GLIS3: variants seen among roughly 807,000 people sequenced by gnomAD.
GLIS3 encodes the protein GLIS family zinc finger 3.
A neutral mutation model predicts 78.6 loss-of-function variants in GLIS3; 53 were observed. The observed-to-expected ratio is 0.67, with a 90% CI of 0.54 to 0.85. The LOEUF (loss-of-function observed/expected upper bound fraction) is 0.85. Ranked by LOEUF, GLIS3 falls within the 40% of genes least tolerant of loss-of-function variation. The probability of loss-of-function intolerance (pLI) is 0.00; values close to 1 mark genes in which losing one functional copy is unlikely to be tolerated. For missense variants in GLIS3, 1,703 were observed against 1,231.1 expected (o/e 1.38, Z -5.74); for synonymous variants, 684 against 509.9 (o/e 1.34, Z -4.60).
intron 8 of GLIS3, among the ~76,000 whole-genome samples, chr9:3,865,539 T>C (rs976020961): frequency 2.0e-5 from 3 of 152,214 alleles, no homozygotes; most frequent in African/African-American, 7.2e-5. Flanking sequence ...GACAAGAACA[T>C]ACTAACAAGT....
chr9:4,249,731 T>C (rs1824170911), intron 2 of GLIS3, among the ~76,000 whole-genome samples: 1 of 152,244 alleles, frequency 6.6e-6, no homozygotes, highest in Non-Finnish European at 1.5e-5. Context: ...CTTTTGCCCA[T>C]TCAGTATGAT....
chr9:4,418,603 G>T, the GLIS3 span, among the ~76,000 whole-genome samples: 2 of 152,136 alleles, frequency 1.3e-5, no homozygotes, highest in African/African-American at 4.8e-5. Flanking sequence ...GGAGGCTGAG[G>T]CAGGAGAATC....
intron 2 of GLIS3, among the ~76,000 whole-genome samples, chr9:4,282,289 G>C (rs1386936062): frequency 6.6e-6 from 1 of 152,118 alleles, no homozygotes; most frequent in African/African-American, 2.4e-5. Context: ...GGGCCACTTG[G>C]TGCCCCAATA....
At chr9:4,233,595 G>C (rs1822462009) in intron 2 of GLIS3, among the ~76,000 whole-genome samples, 2 of 152,168 alleles carry the variant, frequency 1.3e-5, no homozygotes, top group Admixed American at 6.5e-5. Flanking sequence ...TCCATTTATA[G>C]ATCACAGGCA....
At chr9:4,289,253 G>A (rs1018534375) in intron 1 of GLIS3, among the ~76,000 whole-genome samples, 1 of 152,044 alleles carries the variant, frequency 6.6e-6, no homozygotes, top group African/African-American at 2.4e-5. Flanking sequence ...TTGAAATTCT[G>A]TAACTCCAGG....
At chr9:4,070,612 G>A (rs1406457042) in intron 4 of GLIS3, among the ~76,000 whole-genome samples, 1 of 152,122 alleles carries the variant, frequency 6.6e-6, no homozygotes, top group Non-Finnish European at 1.5e-5. Flanking sequence ...GAGTATGTAT[G>A]TGTGTGTATA....
intron 3 of GLIS3, among the ~76,000 whole-genome samples, chr9:4,124,739 G>A (rs530040187): frequency 6.6e-6 from 1 of 152,150 alleles, no homozygotes; most frequent in Admixed American, 6.6e-5. Context: ...TTAGGAGGAA[G>A]GAAAGGAAGA....
intron 4 of GLIS3, chr9:4,035,808 C>T (rs901809793): frequency 6.6e-6 from 1 of 152,374 alleles, no homozygotes; most frequent in Non-Finnish European, 1.5e-5. Flanking sequence ...GTATCCCTGC[C>T]CCACTCAAAT....
intron 4 of GLIS3, among the ~76,000 whole-genome samples, chr9:4,020,547 G>T (rs971830898): frequency 6.6e-6 from 1 of 152,136 alleles, no homozygotes; most frequent in Admixed American, 6.5e-5. Flanking sequence ...CAACCAGTTA[G>T]GTTGGCTTTA....
chr9:3,866,834 T>C (rs955186012), intron 8 of GLIS3, among the ~76,000 whole-genome samples: 5 of 152,148 alleles, frequency 3.3e-5, no homozygotes, highest in African/African-American at 1.2e-4. Flanking sequence ...AGGGTAGCTC[T>C]TGTGGTGTAG....
intron 2 of GLIS3, among the ~76,000 whole-genome samples, chr9:4,316,510 C>T (rs1056208572): frequency 6.6e-6 from 1 of 152,162 alleles, no homozygotes; most frequent in Non-Finnish European, 1.5e-5. Context: ...AGTTCCTGGC[C>T]AGATTCACTG....
intron 7 of GLIS3, among the ~76,000 whole-genome samples, chr9:3,891,094 AGTAGGAGG>A (rs1822407268): frequency 6.7e-6 from 1 of 150,078 alleles, no homozygotes; most frequent in African/African-American, 2.4e-5. Context: ...AGAAGAAGAA[AGTAGGAGG>A]AAGAGGAGGA....
At chr9:4,183,743 T>C (rs961693871) in intron 2 of GLIS3, among the ~76,000 whole-genome samples, 8 of 152,242 alleles carry the variant, frequency 5.3e-5, no homozygotes, top group Non-Finnish European at 1.0e-4. Flanking sequence ...TAGCTTTACA[T>C]GACAACTGAT....
chr9:4,022,736 G>A (rs996013351), intron 4 of GLIS3, among the ~76,000 whole-genome samples: 1 of 152,050 alleles, frequency 6.6e-6, no homozygotes, highest in Non-Finnish European at 1.5e-5. Flanking sequence ...TATTCCACAA[G>A]GTAAAGAAAT....
chr9:4,113,695 G>T (rs1831406963), intron 4 of GLIS3, among the ~76,000 whole-genome samples: 1 of 152,130 alleles, frequency 6.6e-6, no homozygotes, highest in African/African-American at 2.4e-5. Context: ...GTCTTATGAG[G>T]CCAAAGCTGG....
the GLIS3 span, among the ~76,000 whole-genome samples, chr9:4,405,748 C>G: frequency 1.1e-4 from 17 of 151,960 alleles, no homozygotes; most frequent in African/African-American, 3.4e-4. Flanking sequence ...GATACCAAAA[C>G]CAGACAAAGA....
intron 6 of GLIS3, among the ~76,000 whole-genome samples, chr9:3,927,227 T>G (rs997877442): frequency 6.6e-6 from 1 of 152,218 alleles, no homozygotes; most frequent in African/African-American, 2.4e-5. Flanking sequence ...TAAATATCTG[T>G]TGAGTAGAAT....
chr9:4,208,079 C>A lies in GLIS3; in HGVS notation c.388+77959G>T, dbSNP rs370217044. Among the ~76,000 whole-genome samples, 6 of 152,312 alleles carry A rather than the reference C, an allele frequency of 3.9e-5. No homozygotes were observed. In the East Asian group the frequency reaches 7.7e-4, roughly 20 times the overall value. On this transcript the variant is annotated intron_variant, in intron 2 of 10. Coordinates refer to ENST00000381971, the MANE Select transcript of GLIS3 (RefSeq NM_001042413.2). ...CACTAACGTCACATTAACCTCTTTG[C>A]CTGCCAAGAGCAGGCCTAACCAGGC...
At chr9:4,427,045 T>C in the GLIS3 span, among the ~76,000 whole-genome samples, 431 of 152,290 alleles carry the variant, frequency 2.8e-3, 2 homozygotes, top group Non-Finnish European at 4.7e-3. Context: ...ATTTTGCACA[T>C]AGTAAATAAT....
Sources: gnomAD v4.1 joint callset for allele counts (sites outside exome capture counted in the v4.1 genomes callset) on GRCh38, gnomAD v4.1.1 for gene constraint, MANE v1.5 for transcripts, NCBI Gene and HGNC (gene_info 2026-07-23, HGNC 2026-07-21) for gene names.